Variants in KCNIP4 observed in about 807,000 individuals in gnomAD.
KCNIP4 encodes potassium voltage-gated channel interacting protein 4.
In KCNIP4, 12 loss-of-function variants were observed where a neutral mutation model predicts 34.0. That is an observed-to-expected ratio of 0.35 (90% CI 0.23 to 0.57). The LOEUF is 0.57. KCNIP4 is among the 20% of genes least tolerant of loss of function. The probability of loss-of-function intolerance (pLI) is 0.83; values close to 1 mark genes in which losing one functional copy is unlikely to be tolerated. For synonymous variants in KCNIP4, 124 were observed against 102.2 expected (o/e 1.21, Z -1.29); for missense variants, 238 against 311.7 (o/e 0.76, Z 1.78).
chr4:21,361,279 GATA>G (rs1719192973), intron 1 of KCNIP4, among the ~76,000 whole-genome samples: 2 of 151,886 alleles, frequency 1.3e-5, no homozygotes, highest in Non-Finnish European at 2.9e-5. Context: ...ATAAAATGAT[GATA>G]ATAACAGTCC....
intron 1 of KCNIP4, among the ~76,000 whole-genome samples, chr4:21,320,522 A>G (rs1415822587): frequency 2.6e-5 from 4 of 152,180 alleles, no homozygotes; most frequent in Admixed American, 2.6e-4. Flanking sequence ...TTTATGTGTT[A>G]GCATTTTTTA....
chr4:21,425,624 CAT>C (rs1725861864), intron 1 of KCNIP4, among the ~76,000 whole-genome samples: 1 of 152,102 alleles, frequency 6.6e-6, no homozygotes, highest in Non-Finnish European at 1.5e-5. Context: ...GTCATTAACA[CAT>C]ATATATGTCA....
chr4:21,128,827 A>G (rs1750829090), intron 1 of KCNIP4, among the ~76,000 whole-genome samples: 1 of 152,226 alleles, frequency 6.6e-6, no homozygotes, highest in Admixed American at 6.5e-5. Context: ...CCATTTAGAT[A>G]AGTCTTGTGT....
rs1445899880 is a variant in KCNIP4 at position 20,884,024 on chromosome 4, G to C, written c.62-1315C>G. Among the ~76,000 whole-genome samples the C allele has an allele frequency of 2.0e-5, 3 of 152,230 alleles. No individual in the cohort carries two copies. In the East Asian group the frequency reaches 5.8e-4, roughly 29 times the overall value. On this transcript the variant is annotated intron_variant, in intron 1 of 8. Coordinates refer to ENST00000382152, the MANE Select transcript of KCNIP4 (RefSeq NM_025221.6). ...GGCCACACTACCCTTTTTGCCTTTGGTAGAACTCACAAAGCAGGCCGTCCT... is the reference window on the plus strand; with the variant it reads ...GGCCACACTACCCTTTTTGCCTTTGCTAGAACTCACAAAGCAGGCCGTCCT...
At chr4:21,778,426 G>T (rs902945472) in intron 1 of KCNIP4, among the ~76,000 whole-genome samples, 2 of 151,506 alleles carry the variant, frequency 1.3e-5, no homozygotes, top group East Asian at 3.9e-4. Flanking sequence ...GTAGAAATGG[G>T]ATCGCATCAT....
At chr4:21,362,677 G>C (rs774829403) in intron 1 of KCNIP4, among the ~76,000 whole-genome samples, 2 of 152,134 alleles carry the variant, frequency 1.3e-5, no homozygotes, top group Non-Finnish European at 2.9e-5. Context: ...TGAACTCATT[G>C]TCTCAGGAGT....
At chr4:20,838,471 T>C (rs10938807) in intron 3 of KCNIP4, among the ~76,000 whole-genome samples, 104,534 of 152,070 alleles carry the variant, frequency 0.69, 36,433 homozygotes, top group South Asian at 0.81. Flanking sequence ...TGCATTTATA[T>C]ACTGATATTT....
intron 1 of KCNIP4, among the ~76,000 whole-genome samples, chr4:21,507,270 ATT>A (rs942154009): frequency 1.4e-5 from 2 of 142,038 alleles, no homozygotes. Context: ...TTTTATTTTA[ATT>A]TTTTTTTTTT....
Position 21,337,880 on chromosome 4 carries a change from T to C in KCNIP4, c.62-455171A>G, listed in dbSNP as rs142142841. ...AGCATTAGGATTGCGTTTGGCTACATGTAATAAAATACCTAAATCAATTTC... is the reference window on the plus strand; with the variant it reads ...AGCATTAGGATTGCGTTTGGCTACACGTAATAAAATACCTAAATCAATTTC... On this transcript the variant is annotated intron_variant, in intron 1 of 8. Coordinates refer to ENST00000382152, the MANE Select transcript of KCNIP4 (RefSeq NM_025221.6). Among the ~76,000 whole-genome samples, 110 of 152,288 alleles carry C rather than the reference T, an allele frequency of 7.2e-4. No individual in the cohort carries two copies. The East Asian group carries it at 0.016, about 23-fold the overall frequency.
intron 1 of KCNIP4, among the ~76,000 whole-genome samples, chr4:21,797,406 A>C (rs1720694125): frequency 1.3e-5 from 2 of 151,940 alleles, no homozygotes; most frequent in Admixed American, 1.3e-4. Flanking sequence ...CAGCCTCCCA[A>C]AGTGCTGGAA....
rs112885534 is a variant in KCNIP4, at chr4:21,293,518, C to T, written c.62-410809G>A. ...TGTCATGCTGTCAAATAATCCCATC[C>T]TAATTGTGTCAGGCATGAAGTCTAA... On this transcript the variant is annotated intron_variant, in intron 1 of 8. Transcript: ENST00000382152. Among the ~76,000 whole-genome samples, 361 of 152,278 alleles carry T rather than the reference C, an allele frequency of 2.4e-3. 2 individuals are homozygous for T. The highest frequency in any genetic ancestry group is 4.1e-3 in the Non-Finnish European group (276 of 68,036).
intron 1 of KCNIP4, among the ~76,000 whole-genome samples, chr4:21,706,253 T>C (rs1713261826): frequency 6.6e-6 from 1 of 152,128 alleles, no homozygotes; most frequent in South Asian, 2.1e-4. Context: ...GAAATATAAG[T>C]GAACAGCTCA....
In KCNIP4 at chr4:21,364,284, G is replaced by A. The variant is rs11931958; in HGVS notation, c.62-481575C>T. ...TGCATCCAAACCATATATTTATTGA[G>A]CAGATATTTATTGAAAGCCTGTTCA... On this transcript the variant is annotated intron_variant, in intron 1 of 8. Coordinates refer to ENST00000382152, the MANE Select transcript of KCNIP4 (RefSeq NM_025221.6). Among the ~76,000 whole-genome samples, 1,405 of 152,182 alleles carry A rather than the reference G, an allele frequency of 9.2e-3. 23 individuals are homozygous for A. The highest frequency in any genetic ancestry group is 0.032 in the African/African-American group (1,343 of 41,526).
intron 1 of KCNIP4, among the ~76,000 whole-genome samples, chr4:21,543,742 T>C (rs1213908220): frequency 6.6e-6 from 1 of 152,202 alleles, no homozygotes; most frequent in Non-Finnish European, 1.5e-5. Flanking sequence ...TTTCCTTACC[T>C]ACATTGTCTT....
rs114709861 is a variant in KCNIP4, at chr4:21,204,976, G to A, written c.62-322267C>T. 4.6e-3 allele frequency among the ~76,000 whole-genome samples: 708 copies of A among 152,330 alleles called. 5 individuals are homozygous for A. The highest frequency in any genetic ancestry group is 0.016 in the African/African-American group (685 of 41,570). On this transcript the variant is annotated intron_variant, in intron 1 of 8. Transcript: ENST00000382152. ...TGGGACTTTCAAAATTGCTACCAAT[G>A]AGAGTTATTTTTAAAAGTTCCACTG...
At chr4:21,583,398 TGATACTTAAA>T (rs775147639) in intron 1 of KCNIP4, among the ~76,000 whole-genome samples, 2 of 151,922 alleles carry the variant, frequency 1.3e-5, no homozygotes, top group Non-Finnish European at 2.9e-5. Flanking sequence ...AAGGTAGAAG[TGATACTTAAA>T]TAAGGCAATA....
intron 1 of KCNIP4, among the ~76,000 whole-genome samples, chr4:21,455,259 C>A (rs1410672957): frequency 3.3e-5 from 5 of 152,044 alleles, no homozygotes; most frequent in Non-Finnish European, 5.9e-5. Context: ...CAGGGCCCAA[C>A]ACTGTGAAAT....
intron 1 of KCNIP4, among the ~76,000 whole-genome samples, chr4:21,881,396 A>C (rs1043995617): frequency 6.6e-6 from 1 of 152,198 alleles, no homozygotes; most frequent in Non-Finnish European, 1.5e-5. Context: ...AAAGAAAAAT[A>C]GTACCCTAGG....
At chr4:21,299,711 G>C (rs533897704) in intron 1 of KCNIP4, among the ~76,000 whole-genome samples, 1 of 152,164 alleles carries the variant, frequency 6.6e-6, no homozygotes, top group African/African-American at 2.4e-5. Context: ...CTGGCCCCTT[G>C]GTCCTTATTA....
Sources: allele counts gnomAD v4.1 joint callset (sites outside exome capture counted in the v4.1 genomes callset), GRCh38; gene constraint gnomAD v4.1.1; transcripts MANE v1.5; gene names NCBI Gene and HGNC (gene_info 2026-07-23, HGNC 2026-07-21).